The following GABRB1 variants were observed in gnomAD, a reference collection of about 807,000 sequenced individuals.
GABRB1 encodes gamma-aminobutyric acid receptor subunit beta-1.
A neutral mutation model predicts 51.6 loss-of-function variants in GABRB1; 17 were observed. The observed-to-expected ratio is 0.33, with a 90% CI of 0.23 to 0.49. The LOEUF is 0.49. Ranked by LOEUF, GABRB1 falls within the 20% of genes least tolerant of loss-of-function variation. The pLI is 0.99. For missense variants in GABRB1, 410 were observed against 600.6 expected (o/e 0.68, Z 3.32); for synonymous variants, 247 against 218.9 (o/e 1.13, Z -1.14).
chr4:47,367,222 G>A (rs1181811099), intron 5 of GABRB1, among the ~76,000 whole-genome samples: 1 of 152,058 alleles, frequency 6.6e-6, no homozygotes, highest in Non-Finnish European at 1.5e-5. Flanking sequence ...ACTATCTCTA[G>A]AGATCTTACT....
At chr4:47,092,032 A>C (rs534114987) in intron 3 of GABRB1, among the ~76,000 whole-genome samples, 8 of 151,832 alleles carry the variant, frequency 5.3e-5, no homozygotes, top group Non-Finnish European at 1.2e-4. Flanking sequence ...CTAATCTTTC[A>C]CAACCCCTTT....
intron 3 of GABRB1, among the ~76,000 whole-genome samples, chr4:47,086,996 A>G (rs944626981): frequency 1.3e-5 from 2 of 152,174 alleles, no homozygotes; most frequent in African/African-American, 4.8e-5. Context: ...AAGTGGGGAA[A>G]CACTGCTTTT....
intron 4 of GABRB1, among the ~76,000 whole-genome samples, chr4:47,163,254 T>C (rs1428882386): frequency 1.3e-5 from 2 of 152,086 alleles, no homozygotes; most frequent in East Asian, 3.9e-4. Flanking sequence ...CTAATCAATA[T>C]GACAATACAT....
intron 1 of GABRB1, among the ~76,000 whole-genome samples, chr4:46,996,468 T>G (rs1349470575): frequency 6.6e-6 from 1 of 152,188 alleles, no homozygotes; most frequent in Non-Finnish European, 1.5e-5. Context: ...AAGCCCACAG[T>G]GCCTATGAAA....
upstream of GABRB1, among the ~76,000 whole-genome samples, chr4:47,027,163 C>T (rs952223297): frequency 2.0e-5 from 3 of 151,488 alleles, no homozygotes; most frequent in African/African-American, 7.2e-5. Context: ...TAAGATAGAG[C>T]GTACATTTTG....
At chr4:47,374,864 C>T (rs184752439) in intron 5 of GABRB1, among the ~76,000 whole-genome samples, 12 of 152,234 alleles carry the variant, frequency 7.9e-5, no homozygotes, top group Admixed American at 1.3e-4. Flanking sequence ...GATGGATAGA[C>T]AGAGGGTGAT....
intron 4 of GABRB1, among the ~76,000 whole-genome samples, chr4:47,187,621 T>C (rs559398138): frequency 6.3e-4 from 96 of 152,046 alleles, no homozygotes; most frequent in African/African-American, 2.1e-3. Context: ...TTTGAATAAC[T>C]GCTCCACAGT....
chr4:47,099,769 G>A (rs1714641368), intron 3 of GABRB1, among the ~76,000 whole-genome samples: 3 of 151,880 alleles, frequency 2.0e-5, no homozygotes, highest in African/African-American at 7.2e-5. Flanking sequence ...GCTTCTGCAA[G>A]TGTATTCAAA....
At chr4:47,050,364 A>T (rs1056472303) in intron 3 of GABRB1, among the ~76,000 whole-genome samples, 1 of 152,176 alleles carries the variant, frequency 6.6e-6, no homozygotes, top group Non-Finnish European at 1.5e-5. Context: ...AATCCATTTA[A>T]TTCTAATTTT....
chr4:46,993,672 C>A (rs1002763972), upstream of GABRB1: 1 of 444,040 alleles, frequency 2.3e-6, no homozygotes, highest in Non-Finnish European at 4.1e-6. Flanking sequence ...CTATGTATAC[C>A]GCTCCACACC....
At chr4:47,178,977 TA>T (rs1718823384) in intron 4 of GABRB1, among the ~76,000 whole-genome samples, 1 of 151,934 alleles carries the variant, frequency 6.6e-6, no homozygotes, top group African/African-American at 2.4e-5. Flanking sequence ...ATACTTTTTT[TA>T]TACATACTTT....
At chr4:47,329,849 C>T (rs1202745194) in intron 5 of GABRB1, among the ~76,000 whole-genome samples, 5 of 150,676 alleles carry the variant, frequency 3.3e-5, no homozygotes, top group South Asian at 2.1e-4. Flanking sequence ...ATATAGAGAG[C>T]GAGTGAGAAA....
intron 4 of GABRB1, 116 bp downstream of exon 4, chr4:47,161,585 G>A: frequency 4.0e-6 from 3 of 759,482 alleles, no homozygotes; most frequent in Non-Finnish European, 6.4e-6. Context: ...TATAAATGGG[G>A]TGTCATATAC....
At chr4:47,007,551 A>G (rs535390681) in intron 1 of GABRB1, among the ~76,000 whole-genome samples, 47 of 152,328 alleles carry the variant, frequency 3.1e-4, no homozygotes, top group African/African-American at 1.1e-3. Context: ...TAATAACTGC[A>G]GAGTATATAT....
intron 5 of GABRB1, among the ~76,000 whole-genome samples, chr4:47,394,744 G>A (rs1728123627): frequency 6.6e-6 from 1 of 151,020 alleles, no homozygotes; most frequent in Admixed American, 6.6e-5. Context: ...AAAAAAAAAA[G>A]TCCATGGGAG....
intron 4 of GABRB1, among the ~76,000 whole-genome samples, chr4:47,191,595 T>A (rs1182033443): frequency 6.6e-6 from 1 of 152,150 alleles, no homozygotes; most frequent in Non-Finnish European, 1.5e-5. Flanking sequence ...ATTAATAAAT[T>A]GTTAGTGCCC....
chr4:46,999,534 T>C (rs1169837463), intron 1 of GABRB1, among the ~76,000 whole-genome samples: 1 of 152,108 alleles, frequency 6.6e-6, no homozygotes, highest in East Asian at 1.9e-4. Context: ...AAGAGAGAAC[T>C]AGACAACAAT....
At chr4:47,140,749 A>G (rs1006424555) in intron 3 of GABRB1, among the ~76,000 whole-genome samples, 9 of 151,570 alleles carry the variant, frequency 5.9e-5, no homozygotes, top group African/African-American at 2.2e-4. Context: ...CTGTGTGGTT[A>G]AGAGTTGTTT....
exon 1 of GABRB1, chr4:46,993,779 G>T (rs1223104124): frequency 4.4e-6 from 1 of 225,428 alleles, no homozygotes; most frequent in East Asian, 1.3e-4. Flanking sequence ...CCGGGGATGA[G>T]GAACGGGGTC....
Sources: gnomAD v4.1 joint callset for allele counts (sites outside exome capture counted in the v4.1 genomes callset) on GRCh38, gnomAD v4.1.1 for gene constraint, MANE v1.5 for transcripts, NCBI Gene and HGNC (gene_info 2026-07-23, HGNC 2026-07-21) for gene names.